PDE4A: variants seen among roughly 807,000 people sequenced by gnomAD.
PDE4A encodes the protein phosphodiesterase 4A, also known as 3',5'-cyclic-AMP phosphodiesterase 4A.
A neutral mutation model predicts 73.9 loss-of-function variants in PDE4A; 21 were observed. The observed-to-expected ratio is 0.28, with a 90% confidence interval of 0.20 to 0.41. The LOEUF (loss-of-function observed/expected upper bound fraction) is 0.41, where lower values mean the gene tolerates loss of function less well. PDE4A is among the 10% of genes least tolerant of loss of function. The probability of loss-of-function intolerance (pLI) is 1.00; values close to 1 mark genes in which losing one functional copy is unlikely to be tolerated. For missense variants in PDE4A, 958 were observed against 1,211.4 expected (o/e 0.79, Z 3.10); for synonymous variants, 463 against 505.4 (o/e 0.92, Z 1.13).
chr19:10,467,350 C>T lies in PDE4A; in HGVS notation c.2390C>T (p.Ser797Leu), dbSNP rs200378345. The T allele has an allele frequency of 1.2e-6, 2 of 1,614,076 alleles. No homozygotes were observed. The highest frequency in any genetic ancestry group is 1.3e-5 in the African/African-American group (1 of 74,944). ...GSAPVAPDEFSSREEFVVAVS... is the reference protein window; with the variant it reads ...GSAPVAPDEFLSREEFVVAVS... ...GCACCTGTGGCTCCGGATGAGTTCT[C>T]GTCCCGGGAGGAATTCGTGGTTGCT... Residue 797 changes from serine (S) to leucine (L), a missense_variant, in exon 15 of 15, where the codon TCG (serine) becomes TTG (leucine). Ser to Leu is a moderately radical substitution (Grantham distance 145, BLOSUM62 -2). Transcript: ENST00000380702.
chr19:10,434,470 A>C (rs754068770), intron 1 of PDE4A, among the ~76,000 whole-genome samples: 2 of 151,900 alleles, frequency 1.3e-5, no homozygotes, highest in Admixed American at 6.6e-5. Flanking sequence ...GGCCTCCCAA[A>C]GTGCTGGGAT....
chr19:10,437,828 A>C, intron 1 of PDE4A, among the ~76,000 whole-genome samples: 1 of 144,960 alleles, frequency 6.9e-6, no homozygotes, highest in Admixed American at 6.9e-5. Context: ...TTTTTGAGAC[A>C]GGGTCTCACT....
At chr19:10,451,615 G>T (rs564809084) in intron 6 of PDE4A, among the ~76,000 whole-genome samples, 15 of 152,186 alleles carry the variant, frequency 9.9e-5, no homozygotes, top group Non-Finnish European at 2.1e-4. Flanking sequence ...AGAGGGGTGC[G>T]CATGTCTGCA....
At chr19:10,461,757 T>C in intron 12 of PDE4A, 77 bp downstream of exon 12, 19 of 1,581,996 alleles carry the variant, frequency 1.2e-5, no homozygotes, top group Non-Finnish European at 1.6e-5. Context: ...TGGGTCTGAG[T>C]CCCAGAGGAA....
In PDE4A at chr19:10,467,745, A is replaced by C; in HGVS notation, c.*124A>C. ...CCCTCCTGAGAAAAAAGAAAACGAA[A>C]AGTGGGGTTTTTTTCTGTTTTCTTT... On this transcript the variant is annotated 3_prime_UTR_variant, in exon 15 of 15. Transcript: ENST00000380702. The C allele has an allele frequency of 5.1e-5, 35 of 681,084 alleles. No individual in the cohort carries two copies. Among genetic ancestry groups the C allele is most frequent in the South Asian group, 7.4e-5 (2 of 26,944 alleles). The allele number at this position is 681,084 out of a possible 1,614,324, so 42.2% of individuals were successfully genotyped here.
intron 10 of PDE4A, among the ~76,000 whole-genome samples, chr19:10,460,269 T>TGG (rs970567303): frequency 6.7e-6 from 1 of 149,846 alleles, no homozygotes; most frequent in African/African-American, 2.5e-5. Context: ...AAGGCCAAGA[T>TGG]GGGTGGATCA....
rs201355118 is a variant in PDE4A at position 10,467,884 on chromosome 19, C to A, written c.*263C>A. 4.5e-5 allele frequency: 15 copies of A among 332,032 alleles called. No individual in the cohort carries two copies. In the East Asian group the frequency reaches 5.8e-4, roughly 13 times the overall value. The allele number at this position is 332,032 out of a possible 1,614,324, so 20.6% of individuals were successfully genotyped here. A position where few individuals can be genotyped will look rare whatever the true frequency, so the allele number is the denominator to read the frequency against. On this transcript the variant is annotated 3_prime_UTR_variant, in exon 15 of 15. Coordinates refer to ENST00000380702, the MANE Select transcript of PDE4A (RefSeq NM_001111307.2). ...TTATTTTTTTGAATTTTAATTGTAA[C>A]ATTTTTAGAAAAAGAACAAAAAAAG...
intron 2 of PDE4A, 65 bp from the exon 3 acceptor site, chr19:10,448,852 A>C: frequency 6.2e-7 from 1 of 1,607,872 alleles, no homozygotes; most frequent in Non-Finnish European, 8.5e-7. Context: ...CCAGCCTCAC[A>C]GGGCATCTAC....
In PDE4A at chr19:10,458,001, C is replaced by G; in HGVS notation, c.1000C>G (p.Gln334Glu). Residue 334 changes from glutamine to glutamate, a missense_variant, in exon 8 of 15, where the codon CAA becomes GAA. Transcript: ENST00000380702. The surrounding 1 kb of genome is among the most constrained non-coding windows in gnomAD (Gnocchi z 4.6). The stretch of plus-strand genomic sequence containing the variant: ...TGTACCACACTTACAGCCCATGTCC[C>G]AAATCACAGGGTTGAAAAAGTTGAT... Reference protein sequence around the residue: ...PPVPHLQPMSQITGLKKLMHS... With the variant: ...PPVPHLQPMSEITGLKKLMHS... 1 of 1,613,978 alleles carries G rather than the reference C, an allele frequency of 6.2e-7. No homozygotes were observed. The highest frequency in any genetic ancestry group is 8.5e-7 in the Non-Finnish European group (1 of 1,180,018).
intron 1 of PDE4A, among the ~76,000 whole-genome samples, chr19:10,427,027 C>T (rs1346280583): frequency 1.2e-4 from 18 of 150,598 alleles, no homozygotes; most frequent in Admixed American, 9.3e-4. Flanking sequence ...AAGGGCCGGG[C>T]GCAGTGGCTC....
chr19:10,463,235 G>A (rs1165206056), intron 13 of PDE4A, among the ~76,000 whole-genome samples: 1 of 149,154 alleles, frequency 6.7e-6, no homozygotes, highest in Admixed American at 6.7e-5. Flanking sequence ...GATTACAGGT[G>A]CCTACCACCA....
At position 10,448,503 on chromosome 19, in the gene PDE4A, G is replaced by T. The variant is rs184796914; in HGVS notation, c.513-414G>T. Among the ~76,000 whole-genome samples, 9 of 151,672 alleles carry T rather than the reference G, an allele frequency of 5.9e-5. No individual in the cohort carries two copies. In the East Asian group the frequency reaches 1.8e-3, roughly 30 times the overall value. Reference sequence around the variant, plus strand: ...AATACAAAAATTAGTGGGGCGAGAGGCACATGCCTGTAATCCCAGCTTCTT... The same window carrying T: ...AATACAAAAATTAGTGGGGCGAGAGTCACATGCCTGTAATCCCAGCTTCTT... On this transcript the variant is annotated intron_variant, in intron 2 of 14. Coordinates refer to ENST00000380702, the MANE Select transcript of PDE4A (RefSeq NM_001111307.2).
chr19:10,417,016 G>A, upstream of PDE4A: 1 of 1,535,996 alleles, frequency 6.5e-7, no homozygotes, highest in South Asian at 1.2e-5. Flanking sequence ...CTTGGGCTAG[G>A]GGCGGGGCTT....
In PDE4A at chr19:10,445,770, CAA is replaced by C. The variant is rs368282378; in HGVS notation, c.321-431_321-430del. ...TGGGCCACAGAGCGAGACCATACCT[CAA>C]AAAAAAAAAAAAAAAATTCTCCACC... is the stretch of plus-strand genomic sequence containing the variant. On this transcript the variant is annotated intron_variant, in intron 1 of 14. Coordinates refer to ENST00000380702, the MANE Select transcript of PDE4A (RefSeq NM_001111307.2). Among the ~76,000 whole-genome samples, 132 of 110,576 alleles carry C rather than the reference CAA, an allele frequency of 1.2e-3. 3 individuals are homozygous for C. The highest frequency in any genetic ancestry group is 3.0e-3 in the African/African-American group (93 of 30,508). 72.5% of individuals were successfully genotyped at this position (110,576 alleles called of 152,430 possible). A position where few individuals can be genotyped will look rare whatever the true frequency, so the allele number is the denominator to read the frequency against.
chr19:10,454,940 C>T lies in PDE4A; in HGVS notation c.877+18C>T. On this transcript the variant is annotated intron_variant, in intron 7 of 14. Transcript: ENST00000380702. ...ATTCCTGGGTGAGTGAGGGGAAGCA[C>T]GTGGGATTGGAGGGGGGACATTTGG... is the stretch of plus-strand genomic sequence containing the variant. 1 of 1,613,106 alleles carries T rather than the reference C, an allele frequency of 6.2e-7. No homozygotes were observed. The highest frequency in any genetic ancestry group is 8.5e-7 in the Non-Finnish European group (1 of 1,179,290).
At chr19:10,421,759 G>A (rs973955374) in intron 1 of PDE4A, among the ~76,000 whole-genome samples, 1 of 152,170 alleles carries the variant, frequency 6.6e-6, no homozygotes, top group African/African-American at 2.4e-5. Context: ...AGCACAGAGG[G>A]AAGGAGTCCC....
chr19:10,419,190 C>A (rs2042616481), upstream of PDE4A: 3 of 445,344 alleles, frequency 6.7e-6, no homozygotes, highest in South Asian at 9.3e-5. Flanking sequence ...CCGGGTCCCG[C>A]AGCAGAGCAG....
Position 10,420,780 on chromosome 19 carries a change from G to A in PDE4A, c.16G>A (p.Val6Ile), listed in dbSNP as rs761085350. 1.3e-6 allele frequency: 2 copies of A among 1,573,508 alleles called. No individual in the cohort carries two copies. The highest frequency in any genetic ancestry group is 1.7e-6 in the Non-Finnish European group (2 of 1,169,662). The change falls in exon 1 of 15, where the codon GTC becomes ATC. Residue 6 changes from valine to isoleucine, a missense_variant. Val to Ile is a conservative substitution (Grantham distance 29, BLOSUM62 3). Coordinates refer to ENST00000380702, the MANE Select transcript of PDE4A (RefSeq NM_001111307.2). This position sits in a 1 kb window ranked among gnomAD's most constrained non-coding sequence, Gnocchi z 6.0. MEPPT[V>I]PSERSLSLSL... Reference sequence around the variant, plus strand: ...GGCCGGCGCCATGGAACCCCCGACCGTCCCCTCGGAAAGGAGCCTGTCTCT... The same window carrying A: ...GGCCGGCGCCATGGAACCCCCGACCATCCCCTCGGAAAGGAGCCTGTCTCT...
intron 1 of PDE4A, chr19:10,432,557 G>T (rs773455234): frequency 2.0e-6 from 3 of 1,523,202 alleles, no homozygotes; most frequent in Admixed American, 4.2e-5. Flanking sequence ...GGCACCCTCC[G>T]GGCAGATCTG....
Sources: allele counts gnomAD v4.1 joint callset (sites outside exome capture counted in the v4.1 genomes callset), GRCh38; gene constraint gnomAD v4.1.1; non-coding constraint Gnocchi (gnomAD v3.1); transcripts MANE v1.5; gene names NCBI Gene and HGNC (gene_info 2026-07-23, HGNC 2026-07-21).